Variants in RBM6 observed in about 807,000 individuals in gnomAD.
The protein encoded by RBM6 is RNA-binding protein 6.
RBM6 carries 23 observed loss-of-function variants against 140.4 expected under a neutral mutation model. The observed-to-expected ratio is 0.16, with a 90% CI of 0.12 to 0.23. The LOEUF (loss-of-function observed/expected upper bound fraction) is 0.23. Among genes scored for constraint, RBM6 ranks in the 10% least tolerant of loss-of-function variants. The pLI, the probability that RBM6 is intolerant of heterozygous loss-of-function variation, is 1.00. For synonymous variants in RBM6, 439 were observed against 475.6 expected (o/e 0.92, Z 1.00); for missense variants, 1,139 against 1,386.7 (o/e 0.82, Z 2.84).
rs145911699 is a variant in RBM6, at chr3:49,971,082, C to T, written c.1324-977C>T. ...GTGGGTTTGAGACCAGCCTGACCAA[C>T]ACGGAGAAACCCCATTTCTACTAAA... On this transcript the variant is annotated intron_variant, in intron 3 of 20. Transcript: ENST00000266022. Among the ~76,000 whole-genome samples the T allele has an allele frequency of 9.2e-3, 1,394 of 151,670 alleles. 37 individuals carry two copies. Among genetic ancestry groups the T allele is most frequent in the Admixed American group, 0.058 (887 of 15,182 alleles).
chr3:50,074,256 A>G (rs1407715911), intron 19 of RBM6, among the ~76,000 whole-genome samples: 2 of 151,756 alleles, frequency 1.3e-5, no homozygotes, highest in Non-Finnish European at 2.9e-5. Flanking sequence ...ATTCAGATGT[A>G]TCTTCCTGTT....
chr3:50,038,280 C>T (rs2088665468), intron 6 of RBM6, among the ~76,000 whole-genome samples: 1 of 152,082 alleles, frequency 6.6e-6, no homozygotes, highest in Non-Finnish European at 1.5e-5. Context: ...CTGTTCTCTA[C>T]CACCTCCTGC....
intron 6 of RBM6, among the ~76,000 whole-genome samples, chr3:50,032,093 A>G (rs2088200580): frequency 6.6e-6 from 1 of 152,216 alleles, no homozygotes; most frequent in Admixed American, 6.5e-5. Context: ...GGGCTGCAGA[A>G]CGTCTTTATT....
At chr3:49,982,902 G>A (rs867704535) in intron 5 of RBM6, among the ~76,000 whole-genome samples, 1 of 151,902 alleles carries the variant, frequency 6.6e-6, no homozygotes, top group Admixed American at 6.6e-5. Context: ...AGTAGAGACA[G>A]GGTTTCACCA....
In RBM6 at chr3:50,028,344, G is replaced by A. The variant is rs184403308; in HGVS notation, c.1558-19901G>A. On this transcript the variant is annotated intron_variant, in intron 6 of 20. Coordinates refer to ENST00000266022, the MANE Select transcript of RBM6 (RefSeq NM_005777.3). ...ATCTTTTTTCTTTGACTTGATTCCT[G>A]CGTACTGTGAATGCAGAGCAATGCA... Among the ~76,000 whole-genome samples the A allele has an allele frequency of 1.2e-4, 19 of 152,204 alleles. No homozygotes were observed. The East Asian group carries it at 2.3e-3, about 19-fold the overall frequency.
At chr3:49,945,351 T>A (rs1207525869) in intron 1 of RBM6, among the ~76,000 whole-genome samples, 3 of 152,054 alleles carry the variant, frequency 2.0e-5, no homozygotes, top group African/African-American at 7.2e-5. Context: ...CTAATTTTTT[T>A]ATTTTTTTGT....
chr3:50,010,394 C>CG (rs939761422), intron 6 of RBM6, among the ~76,000 whole-genome samples: 1 of 151,712 alleles, frequency 6.6e-6, no homozygotes, highest in African/African-American at 2.4e-5. Flanking sequence ...GCCGGGGAGT[C>CG]GGGGGGTGGC....
Position 49,984,665 on chromosome 3 carries a change from T to C in RBM6, c.1483+9273T>C, listed in dbSNP as rs189526458. Reference sequence around the variant, plus strand: ...CGCATCGCATCGCATCGCATCGCATTGCATCACATCACATCACAACATAAC... The same window carrying C: ...CGCATCGCATCGCATCGCATCGCATCGCATCACATCACATCACAACATAAC... On this transcript the variant is annotated intron_variant, in intron 5 of 20. Coordinates refer to ENST00000266022, the MANE Select transcript of RBM6 (RefSeq NM_005777.3). Among the ~76,000 whole-genome samples the C allele has an allele frequency of 8.4e-4, 112 of 132,846 alleles. 1 individual carries two copies. The highest frequency in any genetic ancestry group is 1.9e-3 in the Admixed American group (26 of 13,520). The allele number at this position is 132,846 out of a possible 152,430, so 87.2% of individuals were successfully genotyped here.
intron 5 of RBM6, 109 bp from the exon 6 acceptor site, chr3:49,999,331 G>A (rs1157697157): frequency 2.3e-6 from 2 of 882,332 alleles, no homozygotes; most frequent in East Asian, 4.9e-5. Flanking sequence ...GGAGGGGTTA[G>A]TTGGGAGGGC....
At chr3:49,991,477 GC>G (rs943506358) in intron 5 of RBM6, among the ~76,000 whole-genome samples, 30 of 152,270 alleles carry the variant, frequency 2.0e-4, no homozygotes, top group African/African-American at 7.0e-4. Flanking sequence ...TCATCCTGAA[GC>G]TATCTAGGGG....
At chr3:49,971,971 T>G (rs2084813047) in intron 3 of RBM6, 88 bp from the exon 4 acceptor site, 1 of 971,852 alleles carries the variant, frequency 1.0e-6, no homozygotes. Flanking sequence ...CATTATCATT[T>G]TTGATCCTGA....
intron 1 of RBM6, among the ~76,000 whole-genome samples, chr3:49,951,277 A>G (rs944510554): frequency 3.7e-4 from 56 of 152,042 alleles, no homozygotes; most frequent in African/African-American, 1.3e-3. Context: ...CAGTGGTGTG[A>G]TCTTGGCTCA....
At position 49,967,941 on chromosome 3, in the gene RBM6, A is replaced by G. The variant is rs1376595777; in HGVS notation, c.516A>G (p.Pro172=). Residue 172 remains proline, a synonymous_variant, in exon 3 of 21, where the codon CCA becomes CCG. Transcript: ENST00000266022. The surrounding 1 kb of genome is among the most constrained non-coding windows in gnomAD (Gnocchi z 4.0). ...AVDFRGRDAP[P]SDFRGRGTYD... The stretch of plus-strand genomic sequence containing the variant: ...ACTTCAGAGGTAGGGATGCTCCTCC[A>G]TCTGACTTCAGGGGCCGGGGCACTT... 2 of 1,614,064 alleles carry G rather than the reference A, an allele frequency of 1.2e-6. No homozygotes were observed. The highest frequency in any genetic ancestry group is 2.2e-5 in the East Asian group (1 of 44,900).
chr3:50,054,705 G>A (rs896716317), intron 8 of RBM6, among the ~76,000 whole-genome samples: 7 of 151,900 alleles, frequency 4.6e-5, no homozygotes, highest in African/African-American at 1.2e-4. Context: ...TAGTAGAGAC[G>A]GGGTTTCACC....
At chr3:50,001,788 A>G (rs774816546) in intron 6 of RBM6, among the ~76,000 whole-genome samples, 10 of 152,222 alleles carry the variant, frequency 6.6e-5, no homozygotes, top group Admixed American at 2.0e-4. Flanking sequence ...TCATTAATTC[A>G]TAAGCAGTGA....
chr3:49,986,754 TTCCCC>T lies in RBM6; in HGVS notation c.1483+11379_1483+11383del, dbSNP rs967547352. Among the ~76,000 whole-genome samples the T allele has an allele frequency of 2.8e-3, 406 of 147,186 alleles. 1 individual carries two copies. The highest frequency in any genetic ancestry group is 9.2e-3 in the African/African-American group (373 of 40,530). On this transcript the variant is annotated intron_variant, in intron 5 of 20. Coordinates refer to ENST00000266022, the MANE Select transcript of RBM6 (RefSeq NM_005777.3). Reference sequence around the variant, plus strand: ...CTTCTCTTCTCTCTTCTTCCCTCCCTTCCCCTCCCCTCCCCTCCCCTTCTCTTTTC... The same window carrying T: ...CTTCTCTTCTCTCTTCTTCCCTCCCTTCCCCTCCCCTCCCCTTCTCTTTTC...
chr3:50,048,659 G>A (rs1280815818), intron 7 of RBM6, among the ~76,000 whole-genome samples: 1 of 152,160 alleles, frequency 6.6e-6, no homozygotes, highest in Non-Finnish European at 1.5e-5. Context: ...GGTTGGAAAA[G>A]TAGGTTTGGA....
At chr3:49,954,761 AC>A (rs1376477782) in intron 1 of RBM6, among the ~76,000 whole-genome samples, 1 of 146,640 alleles carries the variant, frequency 6.8e-6, no homozygotes, top group Non-Finnish European at 1.5e-5. Flanking sequence ...TATTTTGCAC[AC>A]TTTTTTTTTT....
intron 6 of RBM6, among the ~76,000 whole-genome samples, chr3:50,016,928 T>G (rs1377531552): frequency 2.0e-5 from 3 of 150,558 alleles, no homozygotes; most frequent in Admixed American, 6.7e-5. Flanking sequence ...CGGGTTCAAG[T>G]AATTCTCATG....
Sources: allele counts gnomAD v4.1 joint callset (sites outside exome capture counted in the v4.1 genomes callset), GRCh38; gene constraint gnomAD v4.1.1; non-coding constraint Gnocchi (gnomAD v3.1); transcripts MANE v1.5; gene names NCBI Gene and HGNC (gene_info 2026-07-23, HGNC 2026-07-21).